Variants in PXYLP1 observed in about 807,000 individuals in gnomAD.
The protein encoded by PXYLP1 is 2-phosphoxylose phosphatase 1, also known as acid phosphatase-like 2.
A neutral mutation model predicts 37.9 loss-of-function variants in PXYLP1; 17 were observed. That is an observed-to-expected ratio of 0.45 (90% CI 0.31 to 0.67). The LOEUF (loss-of-function observed/expected upper bound fraction) is 0.67, where lower values mean the gene tolerates loss of function less well. Ranked by LOEUF, PXYLP1 falls within the 30% of genes least tolerant of loss-of-function variation. The pLI is 0.07. For missense variants in PXYLP1, 511 were observed against 612.0 expected, an observed-to-expected ratio of 0.84 and a Z score of 1.74; for synonymous variants, 221 against 232.2, an observed-to-expected ratio of 0.95 and a Z score of 0.44.
intron 1 of PXYLP1, among the ~76,000 whole-genome samples, chr3:141,243,851 C>CT: frequency 6.6e-6 from 1 of 152,336 alleles, no homozygotes; most frequent in East Asian, 1.9e-4. Flanking sequence ...CCACTGGTCT[C>CT]TATAATTTAT....
intron 4 of PXYLP1, among the ~76,000 whole-genome samples, chr3:141,281,476 G>A (rs565295728): frequency 1.4e-4 from 22 of 152,206 alleles, no homozygotes; most frequent in Non-Finnish European, 2.9e-4. Context: ...AGACAGGCCC[G>A]GTGCCCAGGA....
intron 5 of PXYLP1, among the ~76,000 whole-genome samples, chr3:141,290,752 A>G (rs1211867793): frequency 6.6e-6 from 1 of 152,216 alleles, no homozygotes; most frequent in Non-Finnish European, 1.5e-5. Context: ...GCCACTTTTT[A>G]ACTGTAAATG....
At chr3:141,270,514 G>A (rs1941636126) in intron 2 of PXYLP1, among the ~76,000 whole-genome samples, 1 of 152,222 alleles carries the variant, frequency 6.6e-6, no homozygotes, top group Non-Finnish European at 1.5e-5. Flanking sequence ...GTGGGTTGAG[G>A]AGCACTAAGG....
chr3:141,269,695 G>A (rs909089728), intron 2 of PXYLP1, among the ~76,000 whole-genome samples: 1 of 152,194 alleles, frequency 6.6e-6, no homozygotes, highest in Non-Finnish European at 1.5e-5. Flanking sequence ...GGTTCTCAAA[G>A]ATGAGGGTCA....
At chr3:141,262,448 C>A in intron 2 of PXYLP1, 1 of 698,478 alleles carries the variant, frequency 1.4e-6, no homozygotes, top group Non-Finnish European at 2.0e-6. Flanking sequence ...TTTTGAGAGG[C>A]TGACAGGTTC....
In PXYLP1 at chr3:141,294,839, C is replaced by T. The variant is rs1280548934; in HGVS notation, c.*1634C>T. 6.6e-6 allele frequency: 1 copy of T among 152,180 alleles called. No homozygotes were observed. Among genetic ancestry groups the T allele is most frequent in the Non-Finnish European group, 1.5e-5 (1 of 68,030 alleles). 9.4% of individuals were successfully genotyped at this position (152,180 alleles called of 1,614,324 possible). A position where few individuals can be genotyped will look rare whatever the true frequency, so the allele number is the denominator to read the frequency against. ...CTAAATGTGTTTTCTTTCCTTCCCA[C>T]TCACAATATATCTGAATTAGAACTG... On this transcript the variant is annotated 3_prime_UTR_variant, in exon 6 of 6. Coordinates refer to ENST00000286353, the MANE Select transcript of PXYLP1 (RefSeq NM_001037172.3).
At chr3:141,249,731 G>A (rs1941098851) in intron 1 of PXYLP1, among the ~76,000 whole-genome samples, 2 of 151,964 alleles carry the variant, frequency 1.3e-5, no homozygotes, top group South Asian at 4.1e-4. Flanking sequence ...ATAGCTTCTC[G>A]ACATTCTAAA....
At position 141,293,184 on chromosome 3, in the gene PXYLP1, A is replaced by C. The variant is rs770409338; in HGVS notation, c.1422A>C (p.Ala474=). 3 of 1,613,622 alleles carry C rather than the reference A, an allele frequency of 1.9e-6. No individual in the cohort carries two copies. Among genetic ancestry groups the C allele is most frequent in the Admixed American group, 3.3e-5 (2 of 60,004 alleles). The change falls in exon 6 of 6, where the codon GCA becomes GCC. Residue 474 remains alanine (A), a synonymous_variant. Transcript: ENST00000286353. ...LGGSGTNYYD[A]CHREGF ...GCAGTGGTACAAATTATTATGATGC[A>C]TGTCACAGGGAAGGATTCTAAAAGG...
intron 5 of PXYLP1, among the ~76,000 whole-genome samples, chr3:141,288,278 C>T (rs1167451433): frequency 6.6e-6 from 1 of 152,170 alleles, no homozygotes; most frequent in South Asian, 2.1e-4. Flanking sequence ...TGGGAAGACC[C>T]ATTGGCCATG....
chr3:141,249,469 G>C (rs1169365314), intron 1 of PXYLP1, among the ~76,000 whole-genome samples: 1 of 108,690 alleles, frequency 9.2e-6, no homozygotes, highest in Non-Finnish European at 1.8e-5. Context: ...GACTTTGGAA[G>C]CTTTTTTTTT....
intron 4 of PXYLP1, among the ~76,000 whole-genome samples, chr3:141,285,499 AAAAC>A (rs1425215819): frequency 2.0e-5 from 3 of 152,032 alleles, no homozygotes; most frequent in African/African-American, 2.4e-5. Flanking sequence ...TTGCATGCCA[AAAAC>A]AAACAACACA....
At chr3:141,235,798 G>T (rs190766442) in intron 1 of PXYLP1, among the ~76,000 whole-genome samples, 54 of 152,292 alleles carry the variant, frequency 3.5e-4, no homozygotes, top group Non-Finnish European at 7.2e-4. Flanking sequence ...TTCAGGGTCC[G>T]CTCTGAGTCC....
At chr3:141,287,191 C>T (rs1243084737) in intron 4 of PXYLP1, 123 bp from the exon 5 acceptor site, 7 of 960,040 alleles carry the variant, frequency 7.3e-6, no homozygotes, top group South Asian at 1.6e-5. Flanking sequence ...GTGATTGAGC[C>T]GGTACCTGTT....
chr3:141,243,939 T>G (rs1940877213), intron 1 of PXYLP1, among the ~76,000 whole-genome samples: 1 of 152,272 alleles, frequency 6.6e-6, no homozygotes, highest in Admixed American at 6.5e-5. Context: ...TACTCCTTTT[T>G]TCTGATTTTT....
chr3:141,247,453 G>A (rs1260147404), intron 1 of PXYLP1, among the ~76,000 whole-genome samples: 1 of 152,192 alleles, frequency 6.6e-6, no homozygotes, highest in Non-Finnish European at 1.5e-5. Flanking sequence ...TGAAATGCAA[G>A]TGTCCTCTAG....
At chr3:141,246,537 C>T (rs1395234342) in intron 1 of PXYLP1, among the ~76,000 whole-genome samples, 2 of 152,142 alleles carry the variant, frequency 1.3e-5, no homozygotes, top group Non-Finnish European at 2.9e-5. Flanking sequence ...AAAGTGGAGG[C>T]ACAGAAGAGA....
At chr3:141,279,798 G>A (rs1214475731) in intron 4 of PXYLP1, among the ~76,000 whole-genome samples, 1 of 152,214 alleles carries the variant, frequency 6.6e-6, no homozygotes, top group African/African-American at 2.4e-5. Context: ...TGAGCACTGA[G>A]TTAAGAGTCC....
Position 141,274,178 on chromosome 3 carries a change from A to G in PXYLP1, c.80-4164A>G, listed in dbSNP as rs146987354. ...CCCCCAGCCCCTGGGTCTGTCCCTC[A>G]GCTCCCTTTATCTAGGTGATCGGGG... On this transcript the variant is annotated intron_variant, in intron 2 of 5. Transcript: ENST00000286353. 745 of 1,037,792 alleles carry G rather than the reference A, an allele frequency of 7.2e-4. 2 individuals carry two copies. In the African/African-American group the frequency reaches 0.01, roughly 14 times the overall value. 64.3% of individuals were successfully genotyped at this position (1,037,792 alleles called of 1,614,324 possible). A position where few individuals can be genotyped will look rare whatever the true frequency, so the allele number is the denominator to read the frequency against.
At chr3:141,263,828 C>T (rs960239093) in intron 2 of PXYLP1, among the ~76,000 whole-genome samples, 2 of 152,190 alleles carry the variant, frequency 1.3e-5, no homozygotes, top group Admixed American at 6.5e-5. Flanking sequence ...GCTGTGAGAA[C>T]GGAGATACGG....
Sources: gnomAD v4.1 joint callset for allele counts (sites outside exome capture counted in the v4.1 genomes callset) on GRCh38, gnomAD v4.1.1 for gene constraint, MANE v1.5 for transcripts, NCBI Gene and HGNC (gene_info 2026-07-23, HGNC 2026-07-21) for gene names.